RFT1: variants seen among roughly 807,000 people sequenced by gnomAD.
The protein encoded by RFT1 is RFT1 glycolipid translocator homolog.
Under a neutral mutation model 62.2 loss-of-function variants are expected in RFT1, and 43 were observed. The observed-to-expected ratio is 0.69, with a 90% CI of 0.54 to 0.89. The LOEUF is 0.89. Ranked by LOEUF, RFT1 falls within the 40% of genes least tolerant of loss-of-function variation. The pLI, the probability that RFT1 is intolerant of heterozygous loss-of-function variation, is 0.00. For synonymous variants in RFT1, 262 were observed against 264.6 expected, an observed-to-expected ratio of 0.99 and a Z score of 0.10; for missense variants, 605 against 649.9, an observed-to-expected ratio of 0.93 and a Z score of 0.75.
chr3:53,092,128 G>A lies in RFT1; in HGVS notation c.1459-58C>T. The A allele has an allele frequency of 3.8e-6, 6 of 1,594,054 alleles. No homozygotes were observed. The South Asian group carries it at 5.6e-5, about 15-fold the overall frequency. ...CTCAGTCTATACCTCCTTCCTCTGG[G>A]ACCAGCCAGGGAAGACAGCTGTGGT... is the stretch of plus-strand genomic sequence containing the variant. On this transcript the variant is annotated intron_variant, in intron 12 of 12. Transcript: ENST00000296292.
In RFT1 at chr3:53,105,749, T is replaced by C; in HGVS notation, c.881A>G (p.Gln294Arg). Residue 294 changes from glutamine (Q) to arginine (R), a missense_variant, in exon 9 of 13, where the codon CAG becomes CGG. Transcript: ENST00000296292. Reference protein sequence around the residue: ...LGSLVARLIFQPIEESFYIFF... With the variant: ...LGSLVARLIFRPIEESFYIFF... ...TATATAAAAACTTTCCTCTATTGGCTGGAAAATTAATCTGGCCACAAGGGA... is the reference window on the plus strand; with the variant it reads ...TATATAAAAACTTTCCTCTATTGGCCGGAAAATTAATCTGGCCACAAGGGA... 1 of 1,613,876 alleles carries C rather than the reference T, an allele frequency of 6.2e-7. No individual in the cohort carries two copies. Among genetic ancestry groups the C allele is most frequent in the African/African-American group, 1.3e-5 (1 of 75,030 alleles).
At position 53,089,047 on chromosome 3, in the gene RFT1, A is replaced by AT. The variant is rs1325371006; in HGVS notation, c.*2855dup. On this transcript the variant is annotated 3_prime_UTR_variant, in exon 13 of 13. Coordinates refer to ENST00000296292, the MANE Select transcript of RFT1 (RefSeq NM_052859.4). ...CTACTCAGGAGGCTGAGGCAAGAGAATCGCTTGAACCCAGGAGGCAGAGCT... is the reference window on the plus strand; with the variant it reads ...CTACTCAGGAGGCTGAGGCAAGAGAATTCGCTTGAACCCAGGAGGCAGAGCT... 1 of 152,148 alleles carries AT rather than the reference A, an allele frequency of 6.6e-6. No homozygotes were observed. The highest frequency in any genetic ancestry group is 1.5e-5 in the Non-Finnish European group (1 of 68,110). 9.4% of individuals were successfully genotyped at this position (152,148 alleles called of 1,614,324 possible).
At chr3:53,068,116 C>T in the RFT1 span, among the ~76,000 whole-genome samples, 5 of 152,188 alleles carry the variant, frequency 3.3e-5, no homozygotes, top group Non-Finnish European at 5.9e-5. Context: ...CAGCCCAACA[C>T]TTTCCTTTGG....
intron 10 of RFT1, among the ~76,000 whole-genome samples, chr3:53,099,722 C>T (rs1218855943): frequency 6.6e-6 from 1 of 152,206 alleles, no homozygotes; most frequent in Non-Finnish European, 1.5e-5. Flanking sequence ...CACGGTGGCT[C>T]ACACCTGTAA....
the RFT1 span, among the ~76,000 whole-genome samples, chr3:53,070,393 G>GGTTTTTTTTTTTT: frequency 1.2e-5 from 1 of 85,448 alleles, no homozygotes; most frequent in Non-Finnish European, 2.3e-5. Context: ...CTGTATTATG[G>GGTTTTTTTTTTTT]TTTTTTTTTT....
chr3:53,112,808 CACTT>C (rs905618978), intron 6 of RFT1, among the ~76,000 whole-genome samples: 3 of 152,216 alleles, frequency 2.0e-5, no homozygotes, highest in African/African-American at 7.2e-5. Context: ...GACAAGGAAA[CACTT>C]AGGTAGGGTA....
chr3:53,099,852 G>C (rs1314343034), intron 10 of RFT1, among the ~76,000 whole-genome samples: 1 of 152,124 alleles, frequency 6.6e-6, no homozygotes, highest in Non-Finnish European at 1.5e-5. Flanking sequence ...GCTGTGTGTG[G>C]TGGGCATGCC....
At chr3:53,068,078 A>AGCTGTAGCCAACCTG in the RFT1 span, among the ~76,000 whole-genome samples, 1 of 152,208 alleles carries the variant, frequency 6.6e-6, no homozygotes, top group Admixed American at 6.5e-5. Context: ...CCAGAGGGTC[A>AGCTGTAGCCAACCTG]GCTGTAGCCA....
At chr3:53,071,159 C>G in the RFT1 span, among the ~76,000 whole-genome samples, 1 of 152,062 alleles carries the variant, frequency 6.6e-6, no homozygotes, top group African/African-American at 2.4e-5. Flanking sequence ...GGATTACAGG[C>G]AGGAGACACT....
the RFT1 span, among the ~76,000 whole-genome samples, chr3:53,068,602 A>G: frequency 5.9e-5 from 9 of 152,028 alleles, no homozygotes; most frequent in Admixed American, 3.9e-4. Flanking sequence ...ATTTTCCAAC[A>G]TAACATCCAA....
At chr3:53,095,516 A>C (rs1194407847) in intron 11 of RFT1, among the ~76,000 whole-genome samples, 1 of 152,192 alleles carries the variant, frequency 6.6e-6, no homozygotes, top group Non-Finnish European at 1.5e-5. Context: ...GTTGGAGACC[A>C]GCCTGGGAAA....
intron 7 of RFT1, among the ~76,000 whole-genome samples, chr3:53,110,600 C>A (rs780709973): frequency 1.3e-5 from 2 of 152,022 alleles, no homozygotes; most frequent in Non-Finnish European, 2.9e-5. Flanking sequence ...ATGGGGAAAG[C>A]GAGGCATAGG....
At chr3:53,106,035 T>C (rs1320928056) in intron 8 of RFT1, among the ~76,000 whole-genome samples, 1 of 151,480 alleles carries the variant, frequency 6.6e-6, no homozygotes, top group Non-Finnish European at 1.5e-5. Context: ...GAGTTTGAGA[T>C]GAGCCTGGGA....
the RFT1 span, among the ~76,000 whole-genome samples, chr3:53,079,649 G>A: frequency 6.6e-6 from 1 of 152,070 alleles, no homozygotes; most frequent in African/African-American, 2.4e-5. Flanking sequence ...CAGGAGAATC[G>A]CAGAGGTTGC....
chr3:53,125,243 G>T (rs1003203429), intron 2 of RFT1, among the ~76,000 whole-genome samples: 3 of 152,204 alleles, frequency 2.0e-5, no homozygotes, highest in Admixed American at 1.3e-4. Context: ...TTATTTATCA[G>T]GACATGAAGA....
At chr3:53,111,222 G>A (rs956530023) in intron 7 of RFT1, among the ~76,000 whole-genome samples, 4 of 151,878 alleles carry the variant, frequency 2.6e-5, no homozygotes, top group African/African-American at 7.3e-5. Flanking sequence ...TGGCTAACAC[G>A]GTGAAACTCC....
At chr3:53,099,852 G>A (rs1314343034) in intron 10 of RFT1, among the ~76,000 whole-genome samples, 2 of 152,124 alleles carry the variant, frequency 1.3e-5, no homozygotes, top group African/African-American at 4.8e-5. Context: ...GCTGTGTGTG[G>A]TGGGCATGCC....
intron 7 of RFT1, among the ~76,000 whole-genome samples, 172 bp downstream of exon 7, chr3:53,111,658 C>T (rs139013093): frequency 1.3e-5 from 2 of 152,226 alleles, no homozygotes; most frequent in African/African-American, 4.8e-5. Flanking sequence ...AGTAAAGCAT[C>T]AAACTAAACA....
At chr3:53,107,659 C>T (rs977251090) in intron 7 of RFT1, among the ~76,000 whole-genome samples, 1 of 150,742 alleles carries the variant, frequency 6.6e-6, no homozygotes, top group African/African-American at 2.4e-5. Flanking sequence ...CATGAACTCA[C>T]GTCTGAGTTC....
Sources: gnomAD v4.1 joint callset for allele counts (sites outside exome capture counted in the v4.1 genomes callset) on GRCh38, gnomAD v4.1.1 for gene constraint, MANE v1.5 for transcripts, NCBI Gene and HGNC (gene_info 2026-07-23, HGNC 2026-07-21) for gene names.